Variants in LGR5 observed in about 807,000 individuals in gnomAD.
The protein encoded by LGR5 is leucine-rich repeat-containing G protein-coupled receptor 5.
Under a neutral mutation model 76.7 loss-of-function variants are expected in LGR5, and 54 were observed. That is an observed-to-expected ratio of 0.70 (90% CI 0.57 to 0.88). LGR5 has a LOEUF of 0.88. Among genes scored for constraint, LGR5 ranks in the 40% least tolerant of loss-of-function variants. The pLI is 0.00. For missense variants in LGR5, 1,078 were observed against 1,073.3 expected, an observed-to-expected ratio of 1.00 and a Z score of -0.06; for synonymous variants, 406 against 421.9, an observed-to-expected ratio of 0.96 and a Z score of 0.46.
chr12:71,493,196 G>C (rs1210505349), intron 1 of LGR5, among the ~76,000 whole-genome samples: 2 of 151,298 alleles, frequency 1.3e-5, no homozygotes, highest in Non-Finnish European at 2.9e-5. Context: ...GTTTCCAGCA[G>C]TTTTTCGGCT....
chr12:71,530,393 A>T (rs1286903232), intron 3 of LGR5, among the ~76,000 whole-genome samples: 1 of 152,178 alleles, frequency 6.6e-6, no homozygotes, highest in Non-Finnish European at 1.5e-5. Context: ...GGTGAGAAAG[A>T]TAATGTGAGA....
intron 1 of LGR5, among the ~76,000 whole-genome samples, chr12:71,503,110 T>C (rs1874685671): frequency 6.6e-6 from 1 of 152,198 alleles, no homozygotes; most frequent in Non-Finnish European, 1.5e-5. Flanking sequence ...ATCAAGTCTT[T>C]GCAGAGATTC....
At chr12:71,442,680 C>A (rs1871818558) in intron 1 of LGR5, among the ~76,000 whole-genome samples, 1 of 152,134 alleles carries the variant, frequency 6.6e-6, no homozygotes, top group Non-Finnish European at 1.5e-5. Context: ...CCATGGGATG[C>A]CCTTTGAGCA....
At chr12:71,489,680 G>A (rs1873979444) in intron 1 of LGR5, among the ~76,000 whole-genome samples, 3 of 152,038 alleles carry the variant, frequency 2.0e-5, no homozygotes, top group Non-Finnish European at 4.4e-5. Flanking sequence ...CTTCTTGATG[G>A]GATTTCCACT....
chr12:71,494,773 C>T (rs975374715), intron 1 of LGR5, among the ~76,000 whole-genome samples: 1 of 151,078 alleles, frequency 6.6e-6, no homozygotes, highest in Non-Finnish European at 1.5e-5. Flanking sequence ...CTATTGAATA[C>T]CCAGTTTAAC....
chr12:71,491,939 A>G (rs1296758183), intron 1 of LGR5, among the ~76,000 whole-genome samples: 1 of 151,780 alleles, frequency 6.6e-6, no homozygotes, highest in Non-Finnish European at 1.5e-5. Context: ...AGCTAATAGA[A>G]TTGGAGTATT....
intron 8 of LGR5, among the ~76,000 whole-genome samples, chr12:71,563,455 T>C (rs1248963099): frequency 6.6e-6 from 1 of 152,204 alleles, no homozygotes; most frequent in Non-Finnish European, 1.5e-5. Flanking sequence ...ATCTTGTTAC[T>C]TCTGCTGTGA....
intron 3 of LGR5, among the ~76,000 whole-genome samples, 180 bp downstream of exon 3, chr12:71,524,657 GA>G (rs531661824): frequency 1.3e-5 from 2 of 151,854 alleles, no homozygotes; most frequent in South Asian, 4.2e-4. Flanking sequence ...ATTTGTATGT[GA>G]AAAAAAATTC....
chr12:71,445,388 A>T (rs1344809834), intron 1 of LGR5, among the ~76,000 whole-genome samples: 2 of 152,166 alleles, frequency 1.3e-5, no homozygotes, highest in African/African-American at 4.8e-5. Context: ...TCTTGGTAGA[A>T]TTTCACTTGT....
At chr12:71,539,524 C>A (rs1876769041) in intron 4 of LGR5, among the ~76,000 whole-genome samples, 1 of 152,160 alleles carries the variant, frequency 6.6e-6, no homozygotes, top group Admixed American at 6.5e-5. Context: ...GTTGCCCAGG[C>A]TGGAGTACAG....
chr12:71,527,314 C>T (rs66814253), intron 3 of LGR5, among the ~76,000 whole-genome samples: 6,780 of 152,088 alleles, frequency 0.045, 159 homozygotes, highest in South Asian at 0.073. Context: ...AACGGAATAC[C>T]GCAAACTGGG....
At chr12:71,488,664 AGACAC>A (rs1372370432) in intron 1 of LGR5, among the ~76,000 whole-genome samples, 2 of 152,240 alleles carry the variant, frequency 1.3e-5, no homozygotes, top group African/African-American at 4.8e-5. Context: ...CTATTTTCAA[AGACAC>A]GGGTCTCCTT....
Position 71,559,646 on chromosome 12 carries a change from T to C in LGR5, c.777T>C (p.Leu259=). 1 of 1,518,852 alleles carries C rather than the reference T, an allele frequency of 6.6e-7. No homozygotes were observed. The highest frequency in any genetic ancestry group is 9.1e-7 in the Non-Finnish European group (1 of 1,094,928). The allele number at this position is 1,518,852 out of a possible 1,614,324, so 94.1% of individuals were successfully genotyped here. ...CTGCAATTAGGACACTCTCCAACCT[T>C]AAAGAACTGTAAGTATTTAGGACAA... ...FPTAIRTLSN[L]KELGFHSNNI... The change falls in exon 7 of 18, where the codon CTT becomes CTC. Residue 259 remains leucine, a synonymous_variant. Transcript: ENST00000266674.
At chr12:71,556,819 G>T in intron 6 of LGR5, 129 bp downstream of exon 6, 1 of 717,948 alleles carries the variant, frequency 1.4e-6, no homozygotes, top group Non-Finnish European at 2.5e-6. Context: ...GATATTTACA[G>T]TGGCATTATC....
intron 1 of LGR5, among the ~76,000 whole-genome samples, chr12:71,486,583 T>C (rs1346499915): frequency 6.6e-6 from 1 of 152,176 alleles, no homozygotes; most frequent in Non-Finnish European, 1.5e-5. Flanking sequence ...TGGGCAACAA[T>C]ATCTGATTCG....
chr12:71,514,387 T>C (rs4760941), intron 2 of LGR5, among the ~76,000 whole-genome samples: 132,100 of 151,938 alleles, frequency 0.87, 57,549 homozygotes, highest in East Asian at 0.97. Flanking sequence ...GCTAACACAG[T>C]GAAACCCCGT....
chr12:71,512,145 T>C (rs755859859), intron 2 of LGR5, among the ~76,000 whole-genome samples: 1 of 152,000 alleles, frequency 6.6e-6, no homozygotes, highest in Non-Finnish European at 1.5e-5. Context: ...GCACCCGCCA[T>C]CATGCCCAGC....
chr12:71,459,173 A>G (rs1485010286), intron 1 of LGR5, among the ~76,000 whole-genome samples: 2 of 152,164 alleles, frequency 1.3e-5, no homozygotes, highest in Non-Finnish European at 2.9e-5. Flanking sequence ...GATCTGACCT[A>G]TAATTACTAG....
At chr12:71,514,834 T>TGAGG (rs1875357522) in intron 2 of LGR5, among the ~76,000 whole-genome samples, 1 of 152,208 alleles carries the variant, frequency 6.6e-6, no homozygotes, top group African/African-American at 2.4e-5. Context: ...CGGCATCACT[T>TGAGG]GAGGCATTGG....
Sources: gnomAD v4.1 joint callset for allele counts (sites outside exome capture counted in the v4.1 genomes callset) on GRCh38, gnomAD v4.1.1 for gene constraint, MANE v1.5 for transcripts, NCBI Gene and HGNC (gene_info 2026-07-23, HGNC 2026-07-21) for gene names.